The following ERAP1 variants were observed in gnomAD, a reference collection of about 807,000 sequenced individuals.
ERAP1 encodes endoplasmic reticulum aminopeptidase 1, also known as adipocyte-derived leucine aminopeptidase.
In ERAP1, 86 loss-of-function variants were observed where a neutral mutation model predicts 103.7. The observed-to-expected ratio is 0.83, with a 90% CI of 0.70 to 0.99. The LOEUF is 0.99. Among genes scored for constraint, ERAP1 ranks in the 50% least tolerant of loss-of-function variants. ERAP1 has a pLI of 0.00. For synonymous variants in ERAP1, 398 were observed against 402.4 expected (o/e 0.99, Z 0.13); for missense variants, 1,009 against 1,128.4 (o/e 0.89, Z 1.52).
chr5:96,828,670 C>T, the ERAP1 span, among the ~76,000 whole-genome samples: 1 of 152,054 alleles, frequency 6.6e-6, no homozygotes, highest in East Asian at 1.9e-4. Context: ...GCCATACTGA[C>T]CCCATCCTGG....
chr5:96,867,011 A>ATTT, the ERAP1 span, among the ~76,000 whole-genome samples: 1 of 136,658 alleles, frequency 7.3e-6, no homozygotes, highest in African/African-American at 2.7e-5. Flanking sequence ...CCTTTCTGAT[A>ATTT]TTTTTTTTTT....
downstream of ERAP1, chr5:96,770,651 A>C: frequency 1.1e-5 from 14 of 1,225,934 alleles, no homozygotes; most frequent in Non-Finnish European, 1.7e-5. Context: ...AGTTACACAG[A>C]GTAGGGTTTA....
At position 96,776,194 on chromosome 5, in the gene ERAP1, C is replaced by T. The variant is rs1441157392; in HGVS notation, c.*202G>A. ...CTTGGGTTTACGTTGCAGGGCAACACCTGTGATGAACAAAACACATGGTAG... is the reference window on the plus strand; with the variant it reads ...CTTGGGTTTACGTTGCAGGGCAACATCTGTGATGAACAAAACACATGGTAG... On this transcript the variant is annotated 3_prime_UTR_variant, in exon 19 of 19. Transcript: ENST00000443439. 1 of 1,514,304 alleles carries T rather than the reference C, an allele frequency of 6.6e-7. No individual in the cohort carries two copies. The highest frequency in any genetic ancestry group is 1.2e-5 in the South Asian group (1 of 82,250). 93.8% of individuals were successfully genotyped at this position (1,514,304 alleles called of 1,614,324 possible). A position where few individuals can be genotyped will look rare whatever the true frequency, so the allele number is the denominator to read the frequency against.
At chr5:96,927,033 T>C in the ERAP1 span, among the ~76,000 whole-genome samples, 110 of 152,124 alleles carry the variant, frequency 7.2e-4, no homozygotes, top group African/African-American at 2.6e-3. Flanking sequence ...CCCAGGCTGG[T>C]CTTGAACTCC....
chr5:96,786,272 C>T (rs941039005), intron 12 of ERAP1, among the ~76,000 whole-genome samples, 198 bp downstream of exon 12: 1 of 152,082 alleles, frequency 6.6e-6, no homozygotes, highest in African/African-American at 2.4e-5. Context: ...ACTGGTAATC[C>T]CTCCTTTTTA....
chr5:96,808,862 G>T (rs934796617), upstream of ERAP1, among the ~76,000 whole-genome samples: 1 of 152,180 alleles, frequency 6.6e-6, no homozygotes, highest in African/African-American at 2.4e-5. Context: ...CCAAGAGAGG[G>T]TTCTTGGATT....
chr5:96,822,215 T>C, the ERAP1 span, among the ~76,000 whole-genome samples: 15 of 152,238 alleles, frequency 9.9e-5, no homozygotes, highest in Non-Finnish European at 1.0e-4. Flanking sequence ...CCTATGCTAT[T>C]ACAGCACCTC....
the ERAP1 span, among the ~76,000 whole-genome samples, chr5:96,914,600 T>A: frequency 6.6e-6 from 1 of 152,256 alleles, no homozygotes; most frequent in African/African-American, 2.4e-5. Context: ...ATGATGCCCC[T>A]GCCCAACCAT....
chr5:96,926,318 C>A, the ERAP1 span, among the ~76,000 whole-genome samples: 1 of 152,186 alleles, frequency 6.6e-6, no homozygotes, highest in African/African-American at 2.4e-5. Context: ...ATATAATTTA[C>A]ATGGCATAAA....
chr5:96,777,744 AAGG>A (rs1213479902), intron 18 of ERAP1, among the ~76,000 whole-genome samples: 1 of 152,202 alleles, frequency 6.6e-6, no homozygotes, highest in Non-Finnish European at 1.5e-5. Flanking sequence ...ATTAATCCTA[AAGG>A]AGCTCATCAT....
the ERAP1 span, among the ~76,000 whole-genome samples, chr5:96,929,175 T>C: frequency 6.6e-6 from 1 of 152,192 alleles, no homozygotes; most frequent in African/African-American, 2.4e-5. Flanking sequence ...TCAGGTACAC[T>C]TGGCCCTCTT....
At chr5:96,823,914 G>T in the ERAP1 span, among the ~76,000 whole-genome samples, 2 of 151,986 alleles carry the variant, frequency 1.3e-5, no homozygotes, top group Non-Finnish European at 2.9e-5. Context: ...GTAAAATAAG[G>T]GTTGCTCAGC....
chr5:96,872,855 G>A, the ERAP1 span, among the ~76,000 whole-genome samples: 4 of 152,198 alleles, frequency 2.6e-5, no homozygotes, highest in South Asian at 2.1e-4. Flanking sequence ...TAAATCTGTT[G>A]AGAACACCCT....
At position 96,774,507 on chromosome 5, in the gene ERAP1, A is replaced by C. The variant is rs7063; in HGVS notation, c.*1889T>G. On this transcript the variant is annotated 3_prime_UTR_variant, in exon 19 of 19. Transcript: ENST00000443439. ...ACTTAGAGGCAAAGAACAATTTTTTATTATCAAAAAGGTTTCTGCACATTG... is the reference window on the plus strand; with the variant it reads ...ACTTAGAGGCAAAGAACAATTTTTTCTTATCAAAAAGGTTTCTGCACATTG... 17 of 985,770 alleles carry C rather than the reference A, an allele frequency of 1.7e-5. No individual in the cohort carries two copies. Among genetic ancestry groups the C allele is most frequent in the South Asian group, 4.7e-5 (1 of 21,284 alleles). The allele number at this position is 985,770 out of a possible 1,614,324, so 61.1% of individuals were successfully genotyped here. A position where few individuals can be genotyped will look rare whatever the true frequency, so the allele number is the denominator to read the frequency against.
the ERAP1 span, chr5:96,895,327 G>A: frequency 9.9e-6 from 16 of 1,611,486 alleles, no homozygotes; most frequent in African/African-American, 1.3e-4. Flanking sequence ...GGAACTTATC[G>A]CTGTTAATGC....
the ERAP1 span, among the ~76,000 whole-genome samples, chr5:96,847,247 C>CAA: frequency 2.3e-3 from 193 of 84,896 alleles, 3 homozygotes; most frequent in Middle Eastern, 8.1e-3. Context: ...GACTCCATCT[C>CAA]AAAAAAAAAA....
At chr5:96,782,110 A>T (rs1343023714) in intron 15 of ERAP1, among the ~76,000 whole-genome samples, 1 of 149,576 alleles carries the variant, frequency 6.7e-6, no homozygotes, top group Non-Finnish European at 1.5e-5. Flanking sequence ...TCCCGGGTTC[A>T]CGCCATTCTC....
chr5:96,793,082 A>G (rs918784612), intron 7 of ERAP1, among the ~76,000 whole-genome samples: 1 of 152,216 alleles, frequency 6.6e-6, no homozygotes, highest in Non-Finnish European at 1.5e-5. Flanking sequence ...TAATTCTGCA[A>G]TGAGCAACCT....
At chr5:96,905,551 T>A in the ERAP1 span, among the ~76,000 whole-genome samples, 1 of 152,204 alleles carries the variant, frequency 6.6e-6, no homozygotes, top group Non-Finnish European at 1.5e-5. Context: ...CTCAATACTA[T>A]AAACCACTTT....
Sources: allele counts gnomAD v4.1 joint callset (sites outside exome capture counted in the v4.1 genomes callset), GRCh38; gene constraint gnomAD v4.1.1; transcripts MANE v1.5; gene names NCBI Gene and HGNC (gene_info 2026-07-23, HGNC 2026-07-21).